EXTL3: variants seen among roughly 807,000 people sequenced by gnomAD.
EXTL3 encodes exostosin like glycosyltransferase 3.
Under a neutral mutation model 69.3 loss-of-function variants are expected in EXTL3, and 27 were observed. The ratio of observed to expected loss-of-function variants is 0.39; its 90% CI spans 0.29 to 0.54. The LOEUF is 0.54. Ranked by LOEUF, EXTL3 falls within the 20% of genes least tolerant of loss-of-function variation. The probability of loss-of-function intolerance (pLI) is 0.69; values close to 1 mark genes in which losing one functional copy is unlikely to be tolerated. For missense variants in EXTL3, 1,003 were observed against 1,231.8 expected, an observed-to-expected ratio of 0.81 and a Z score of 2.78; for synonymous variants, 511 against 499.4, an observed-to-expected ratio of 1.02 and a Z score of -0.31.
At chr8:28,693,406 T>C (rs1439442393) in intron 1 of EXTL3, among the ~76,000 whole-genome samples, 1 of 152,056 alleles carries the variant, frequency 6.6e-6, no homozygotes, top group Admixed American at 6.6e-5. Context: ...CACCTCTGCC[T>C]CCCAAAAGTG....
At chr8:28,619,266 TAAAAAAAAAAAAAAAAAAAAAAAAA>T (rs755355444), upstream of EXTL3, among the ~76,000 whole-genome samples, 430 of 64,650 alleles carry the variant, frequency 6.7e-3, 7 homozygotes, top group African/African-American at 0.018. Flanking sequence ...AGCTTAGTGA[TAAAAAAAAAAAAAAAAAAAAAAAAA>T]AAAAAAAAAA....
chr8:28,617,013 C>T (rs1399580367), intron 2 of EXTL3, among the ~76,000 whole-genome samples: 1 of 152,232 alleles, frequency 6.6e-6, no homozygotes, highest in Non-Finnish European at 1.5e-5. Flanking sequence ...TAATACCCAA[C>T]TCCAGGAATC....
At chr8:28,670,225 G>C (rs1007329574) in intron 1 of EXTL3, among the ~76,000 whole-genome samples, 3 of 30,432 alleles carry the variant, frequency 9.9e-5, no homozygotes, top group Admixed American at 2.9e-4. Flanking sequence ...AAAAAGGTTG[G>C]GGGGAGATGG....
chr8:28,718,485 C>G (rs7821192), intron 3 of EXTL3, among the ~76,000 whole-genome samples: 1 of 152,086 alleles, frequency 6.6e-6, no homozygotes, highest in African/African-American at 2.4e-5. Context: ...TCGGTTATCC[C>G]GTAGACTTCC....
chr8:28,677,036 G>A (rs940514154), intron 1 of EXTL3, among the ~76,000 whole-genome samples: 13 of 152,282 alleles, frequency 8.5e-5, no homozygotes, highest in Admixed American at 5.9e-4. Flanking sequence ...AGGGTAGCTG[G>A]AAGTTTCTGA....
intron 1 of EXTL3, among the ~76,000 whole-genome samples, chr8:28,680,225 C>G (rs1807462129): frequency 6.6e-6 from 1 of 151,896 alleles, no homozygotes; most frequent in African/African-American, 2.4e-5. Context: ...AGCCCCATCT[C>G]TACAAAAATA....
At chr8:28,669,561 A>G (rs1016410664) in intron 1 of EXTL3, among the ~76,000 whole-genome samples, 9 of 152,186 alleles carry the variant, frequency 5.9e-5, no homozygotes, top group African/African-American at 2.2e-4. Flanking sequence ...TGTGCAAACT[A>G]AGGGGGAAAT....
chr8:28,687,428 T>C (rs1807595568), intron 1 of EXTL3, among the ~76,000 whole-genome samples: 2 of 151,942 alleles, frequency 1.3e-5, no homozygotes, highest in Admixed American at 6.6e-5. Context: ...ATCACACCAC[T>C]GCACTCCAGC....
chr8:28,697,130 C>A (rs67414849), upstream of EXTL3: 1 of 152,044 alleles, frequency 6.6e-6, no homozygotes, highest in Non-Finnish European at 1.5e-5. Context: ...GAGGGCAGGG[C>A]CATGTTTTAT....
At chr8:28,657,332 G>A (rs1807027499) in intron 1 of EXTL3, among the ~76,000 whole-genome samples, 1 of 152,130 alleles carries the variant, frequency 6.6e-6, no homozygotes, top group Non-Finnish European at 1.5e-5. Context: ...GACTGGGGAG[G>A]AGCTATTGGC....
intron 2 of EXTL3, among the ~76,000 whole-genome samples, chr8:28,615,053 ATTTTCC>A (rs1307335527): frequency 6.8e-6 from 1 of 146,124 alleles, no homozygotes; most frequent in Non-Finnish European, 1.5e-5. Flanking sequence ...ATATTTGAGA[ATTTTCC>A]AGCTATTTTT....
chr8:28,661,513 G>T (rs1336446315), intron 1 of EXTL3, among the ~76,000 whole-genome samples: 1 of 151,898 alleles, frequency 6.6e-6, no homozygotes, highest in Non-Finnish European at 1.5e-5. Flanking sequence ...ATATATATAT[G>T]TTGGGGCGTA....
intron 2 of EXTL3, among the ~76,000 whole-genome samples, chr8:28,715,265 A>C (rs1801116768): frequency 1.3e-5 from 2 of 152,214 alleles, no homozygotes; most frequent in African/African-American, 4.8e-5. Flanking sequence ...AGAAAAGACC[A>C]TGGACATCTT....
intron 1 of EXTL3, among the ~76,000 whole-genome samples, chr8:28,684,219 A>G (rs1307161010): frequency 2.6e-5 from 4 of 152,162 alleles, no homozygotes; most frequent in African/African-American, 4.8e-5. Flanking sequence ...GCTATTGTGA[A>G]TAGTGCCTCA....
chr8:28,625,585 C>T (rs1039755142), intron 1 of EXTL3, among the ~76,000 whole-genome samples: 2 of 152,216 alleles, frequency 1.3e-5, no homozygotes, highest in Non-Finnish European at 2.9e-5. Context: ...AAAAACATCA[C>T]TCTATTCCTA....
upstream of EXTL3, among the ~76,000 whole-genome samples, chr8:28,620,718 C>G (rs1317653823): frequency 1.3e-5 from 2 of 152,024 alleles, no homozygotes; most frequent in African/African-American, 4.8e-5. Flanking sequence ...CTTTTGTTTT[C>G]TTTTCTTTTT....
At chr8:28,626,234 G>T (rs1806489126) in intron 1 of EXTL3, among the ~76,000 whole-genome samples, 1 of 151,664 alleles carries the variant, frequency 6.6e-6, no homozygotes, top group African/African-American at 2.4e-5. Context: ...ACCAAAATAT[G>T]AGGCCTAGAA....
chr8:28,685,976 C>T (rs762864600), intron 1 of EXTL3: 1 of 152,142 alleles, frequency 6.6e-6, no homozygotes, highest in Non-Finnish European at 1.5e-5. Flanking sequence ...AGCAATTCTC[C>T]TGCCTCAGCC....
intron 1 of EXTL3, among the ~76,000 whole-genome samples, chr8:28,712,008 C>T (rs1204534554): frequency 6.6e-6 from 1 of 152,038 alleles, no homozygotes; most frequent in Non-Finnish European, 1.5e-5. Context: ...TTCCTCCCCT[C>T]GAGGATTAGG....
Sources: allele counts gnomAD v4.1 joint callset (sites outside exome capture counted in the v4.1 genomes callset), GRCh38; gene constraint gnomAD v4.1.1; transcripts MANE v1.5; gene names NCBI Gene and HGNC (gene_info 2026-07-23, HGNC 2026-07-21).